ZSWIM6: variants seen among roughly 807,000 people sequenced by gnomAD.
ZSWIM6 encodes the protein zinc finger SWIM domain-containing protein 6.
Under a neutral mutation model 113.2 loss-of-function variants are expected in ZSWIM6, and 9 were observed. The ratio of observed to expected loss-of-function variants is 0.08; its 90% CI spans 0.05 to 0.14. The LOEUF (loss-of-function observed/expected upper bound fraction) is 0.14. Among genes scored for constraint, ZSWIM6 ranks in the 10% least tolerant of loss-of-function variants. The pLI is 1.00. For missense variants in ZSWIM6, 1,162 were observed against 1,552.2 expected (o/e 0.75, Z 4.22); for synonymous variants, 611 against 606.5 (o/e 1.01, Z -0.11).
chr5:61,429,752 A>G (rs1344023009), intron 1 of ZSWIM6, among the ~76,000 whole-genome samples: 2 of 152,090 alleles, frequency 1.3e-5, no homozygotes, highest in Non-Finnish European at 2.9e-5. Context: ...GCTACTGTCT[A>G]GGAGGAAGAA....
At chr5:61,540,654 T>G (rs190258172) in intron 12 of ZSWIM6, among the ~76,000 whole-genome samples, 67 of 151,058 alleles carry the variant, frequency 4.4e-4, no homozygotes, top group African/African-American at 1.6e-3. Context: ...AAGTTTTTTG[T>G]TTTTTTTTAA....
intron 1 of ZSWIM6, among the ~76,000 whole-genome samples, chr5:61,388,490 A>T (rs889022650): frequency 6.6e-6 from 1 of 152,242 alleles, no homozygotes; most frequent in African/African-American, 2.4e-5. Context: ...GGAACAGTTC[A>T]CATTTCAAAA....
At chr5:61,367,401 C>T (rs945692680) in intron 1 of ZSWIM6, among the ~76,000 whole-genome samples, 7 of 152,244 alleles carry the variant, frequency 4.6e-5, no homozygotes, top group African/African-American at 1.7e-4. Flanking sequence ...GCATGTACCA[C>T]CATGCTTGGC....
At chr5:61,380,952 GAA>G (rs374265490) in intron 1 of ZSWIM6, among the ~76,000 whole-genome samples, 3 of 145,108 alleles carry the variant, frequency 2.1e-5, no homozygotes. Flanking sequence ...AAAAAAAAAA[GAA>G]AAAAAAAATA....
intron 1 of ZSWIM6, among the ~76,000 whole-genome samples, chr5:61,373,307 G>C (rs1321519532): frequency 2.0e-5 from 3 of 151,446 alleles, no homozygotes; most frequent in African/African-American, 7.3e-5. Context: ...GTCACCACTG[G>C]GTCTTTTTTT....
At chr5:61,510,706 T>C (rs1748763720) in intron 4 of ZSWIM6, among the ~76,000 whole-genome samples, 2 of 152,148 alleles carry the variant, frequency 1.3e-5, no homozygotes, top group African/African-American at 2.4e-5. Context: ...ATAATAGCCT[T>C]TATGTGCTTT....
chr5:61,405,369 T>C (rs1279550316), intron 1 of ZSWIM6, among the ~76,000 whole-genome samples: 2 of 152,208 alleles, frequency 1.3e-5, no homozygotes, highest in Admixed American at 1.3e-4. Flanking sequence ...TAATGGAGTA[T>C]AGTTTCTTTC....
rs79316161 is a variant in ZSWIM6, at chr5:61,495,473, A to G, written c.1333+1063A>G. ...TACGTTCAGAAGTTGGCTGTGGACA[A>G]GTTTGCTACTTGTGAACTATTAGAT... On this transcript the variant is annotated intron_variant, in intron 4 of 13. Transcript: ENST00000252744. 6.6e-4 allele frequency among the ~76,000 whole-genome samples: 101 copies of G among 152,294 alleles called. 3 individuals carry two copies. In the East Asian group the frequency reaches 0.019, roughly 28 times the overall value.
intron 5 of ZSWIM6, among the ~76,000 whole-genome samples, chr5:61,521,688 CTAGTATG>C (rs1158637116): frequency 6.6e-6 from 1 of 152,036 alleles, no homozygotes; most frequent in African/African-American, 2.4e-5. Flanking sequence ...ATTTTATATA[CTAGTATG>C]TGTTAAAATG....
In ZSWIM6 at chr5:61,530,174, C is replaced by A; in HGVS notation, c.1960C>A (p.Leu654Ile). The change falls in exon 8 of 14, where the codon CTC becomes ATC. Residue 654 changes from leucine (L) to isoleucine (I), a missense_variant. Physicochemically the swap from Leu to Ile is conservative, Grantham distance 5. Transcript: ENST00000252744. The stretch of plus-strand genomic sequence containing the variant: ...AGCCTGCCGCATTGATGATGAGAAC[C>A]TCTCTGGGTTCTCAGATTTTACAGG... ...MEACRIDDEN[L>I]SGFSDFTENM... The A allele has an allele frequency of 6.4e-7, 1 of 1,551,278 alleles. No homozygotes were observed. Among genetic ancestry groups the A allele is most frequent in the Non-Finnish European group, 8.7e-7 (1 of 1,146,666 alleles).
intron 1 of ZSWIM6, among the ~76,000 whole-genome samples, chr5:61,393,482 AT>A (rs530682550): frequency 1.0e-3 from 158 of 152,290 alleles, no homozygotes; most frequent in African/African-American, 3.6e-3. Flanking sequence ...ATATAATTTT[AT>A]TTTACATATA....
intron 4 of ZSWIM6, among the ~76,000 whole-genome samples, chr5:61,516,849 C>T (rs1381467289): frequency 1.3e-5 from 2 of 151,924 alleles, no homozygotes; most frequent in Non-Finnish European, 2.9e-5. Context: ...GTCTTGGCAA[C>T]GAATACTGTA....
At chr5:61,345,826 T>G (rs1337043084) in intron 1 of ZSWIM6, among the ~76,000 whole-genome samples, 1 of 152,268 alleles carries the variant, frequency 6.6e-6, no homozygotes, top group East Asian at 1.9e-4. Context: ...AGTTATTGGA[T>G]GAATTCTGCT....
chr5:61,336,309 T>C (rs893105813), intron 1 of ZSWIM6, among the ~76,000 whole-genome samples: 5 of 152,120 alleles, frequency 3.3e-5, no homozygotes, highest in African/African-American at 4.8e-5. Context: ...GGGAGCTGCC[T>C]CTATAGGTGC....
At chr5:61,419,165 G>A (rs1298117621) in intron 1 of ZSWIM6, among the ~76,000 whole-genome samples, 1 of 152,198 alleles carries the variant, frequency 6.6e-6, no homozygotes, top group Non-Finnish European at 1.5e-5. Context: ...GTATAGTAAT[G>A]AATTTTCTCT....
chr5:61,445,063 G>T (rs1746922291), intron 1 of ZSWIM6, among the ~76,000 whole-genome samples: 1 of 152,222 alleles, frequency 6.6e-6, no homozygotes. Flanking sequence ...AGTAGTTGCT[G>T]CCTGCAGCAT....
At chr5:61,336,016 A>T (rs1046773443) in intron 1 of ZSWIM6, among the ~76,000 whole-genome samples, 5 of 152,152 alleles carry the variant, frequency 3.3e-5, no homozygotes, top group Non-Finnish European at 7.3e-5. Flanking sequence ...TAATCCCCGA[A>T]CTTTGGGAGG....
At chr5:61,424,930 G>A (rs974092207) in intron 1 of ZSWIM6, among the ~76,000 whole-genome samples, 35 of 152,144 alleles carry the variant, frequency 2.3e-4, no homozygotes, top group Admixed American at 2.0e-3. Flanking sequence ...GTTTCATTAT[G>A]TTGACCAGGC....
chr5:61,366,481 G>A (rs1190801224), intron 1 of ZSWIM6, among the ~76,000 whole-genome samples: 1 of 152,206 alleles, frequency 6.6e-6, no homozygotes, highest in African/African-American at 2.4e-5. Flanking sequence ...ATGTTACAAT[G>A]TCCACACACT....
Sources: gnomAD v4.1 joint callset for allele counts (sites outside exome capture counted in the v4.1 genomes callset) on GRCh38, gnomAD v4.1.1 for gene constraint, MANE v1.5 for transcripts, NCBI Gene and HGNC (gene_info 2026-07-23, HGNC 2026-07-21) for gene names.